JMJD1C: variants seen among roughly 807,000 people sequenced by gnomAD.
The protein encoded by JMJD1C is jumonji domain-containing protein 1C.
In JMJD1C, 31 loss-of-function variants were observed where a neutral mutation model predicts 245.3. The ratio of observed to expected loss-of-function variants is 0.13; its 90% confidence interval spans 0.09 to 0.17. The LOEUF is 0.17. JMJD1C is among the 10% of genes least tolerant of loss of function. The pLI, the probability that JMJD1C is intolerant of heterozygous loss-of-function variation, is 1.00. For missense variants in JMJD1C, 2,691 were observed against 3,000.2 expected (o/e 0.90, Z 2.41); for synonymous variants, 1,057 against 1,017.4 (o/e 1.04, Z -0.74).
chr10:63,203,118 A>T, intron 10 of JMJD1C: 1 of 985,154 alleles, frequency 1.0e-6, no homozygotes, highest in Non-Finnish European at 1.2e-6. Context: ...CAAAGACATT[A>T]AGGCCCAATT....
In JMJD1C at chr10:63,189,464, A is replaced by C; in HGVS notation, c.6292-18T>G. On this transcript the variant is annotated intron_variant, in intron 17 of 25. Coordinates refer to ENST00000399262, the MANE Select transcript of JMJD1C (RefSeq NM_032776.3). ...TTGCTACTCTATTAAGGAAAAAACAAAACAAAAAAAACCTGTTTTTGAGAG... is the reference window on the plus strand; with the variant it reads ...TTGCTACTCTATTAAGGAAAAAACACAACAAAAAAAACCTGTTTTTGAGAG... The C allele has an allele frequency of 6.4e-7, 1 of 1,570,428 alleles. No individual in the cohort carries two copies. Among genetic ancestry groups the C allele is most frequent in the Non-Finnish European group, 8.6e-7 (1 of 1,165,352 alleles).
intron 1 of JMJD1C, among the ~76,000 whole-genome samples, chr10:63,392,875 C>CACAAACAA (rs564338841): frequency 4.6e-5 from 6 of 130,682 alleles, no homozygotes; most frequent in Non-Finnish European, 9.7e-5. Context: ...TAAACACACA[C>CACAAACAA]ACACACACAC....
intron 1 of JMJD1C, among the ~76,000 whole-genome samples, chr10:63,484,484 G>C (rs7915779): frequency 0.42 from 63,855 of 151,692 alleles, 14,163 homozygotes; most frequent in South Asian, 0.53. Context: ...TCCCACTTCA[G>C]AGCAAGCACA....
At chr10:63,293,294 A>G (rs1858998499) in intron 2 of JMJD1C, among the ~76,000 whole-genome samples, 1 of 152,136 alleles carries the variant, frequency 6.6e-6, no homozygotes, top group Non-Finnish European at 1.5e-5. Context: ...CTTGCCAGCA[A>G]ATAAACCAAC....
rs569971746 is a variant in JMJD1C at position 63,455,926 on chromosome 10, A to G, written c.168+9569T>C. On this transcript the variant is annotated intron_variant, in intron 1 of 25. Coordinates refer to ENST00000399262, the MANE Select transcript of JMJD1C (RefSeq NM_032776.3). ...TTATTTTGCTCTTAAGACTGAGAAA[A>G]TCGAGGCAAATTTAATGCAATATTA... is the stretch of plus-strand genomic sequence containing the variant. 2.0e-5 allele frequency among the ~76,000 whole-genome samples: 3 copies of G among 152,256 alleles called. No individual in the cohort carries two copies. In the South Asian group the frequency reaches 6.2e-4, roughly 32 times the overall value.
At chr10:63,440,369 G>GAA (rs1564922436) in intron 1 of JMJD1C, among the ~76,000 whole-genome samples, 1 of 111,862 alleles carries the variant, frequency 8.9e-6, no homozygotes, top group Admixed American at 8.5e-5. Flanking sequence ...TATATATAGA[G>GAA]AGAGAGAGAG....
At chr10:63,395,113 TA>T (rs1053529056) in intron 1 of JMJD1C, among the ~76,000 whole-genome samples, 11 of 152,084 alleles carry the variant, frequency 7.2e-5, no homozygotes, top group African/African-American at 2.4e-4. Flanking sequence ...CAAAAGATAT[TA>T]AAAATCATTA....
intron 1 of JMJD1C, among the ~76,000 whole-genome samples, chr10:63,473,859 A>G (rs887912687): frequency 4.6e-5 from 7 of 151,824 alleles, no homozygotes; most frequent in Non-Finnish European, 4.4e-5. Context: ...CCTGGCCAAC[A>G]TGGTGAAACC....
intron 2 of JMJD1C, among the ~76,000 whole-genome samples, chr10:63,299,836 T>C (rs1859876292): frequency 6.6e-6 from 1 of 152,038 alleles, no homozygotes; most frequent in African/African-American, 2.4e-5. Context: ...AAATCATCTC[T>C]GCAAGAAATA....
intron 2 of JMJD1C, among the ~76,000 whole-genome samples, chr10:63,293,665 T>C (rs1057057074): frequency 1.3e-5 from 2 of 152,196 alleles, no homozygotes; most frequent in Non-Finnish European, 2.9e-5. Flanking sequence ...GGCCCAATTA[T>C]TGATAAATTC....
chr10:63,387,863 C>T (rs941789003), intron 1 of JMJD1C, among the ~76,000 whole-genome samples: 1 of 151,778 alleles, frequency 6.6e-6, no homozygotes, highest in Non-Finnish European at 1.5e-5. Flanking sequence ...TCTTGATCTC[C>T]TGACCTTGTG....
At chr10:63,223,736 AT>A (rs1848910873) in intron 3 of JMJD1C, among the ~76,000 whole-genome samples, 2 of 151,958 alleles carry the variant, frequency 1.3e-5, no homozygotes, top group African/African-American at 4.8e-5. Flanking sequence ...TTTCTTCAAC[AT>A]TTATTTATAA....
chr10:63,402,755 A>G (rs1948944341), intron 1 of JMJD1C, among the ~76,000 whole-genome samples: 1 of 152,164 alleles, frequency 6.6e-6, no homozygotes, highest in Non-Finnish European at 1.5e-5. Flanking sequence ...TAATGGGTAT[A>G]TTTTTAAATC....
chr10:63,360,457 C>T (rs1341872380), intron 2 of JMJD1C, among the ~76,000 whole-genome samples: 1 of 152,188 alleles, frequency 6.6e-6, no homozygotes, highest in Non-Finnish European at 1.5e-5. Context: ...TTTAATCCAA[C>T]CTTGTAAGTC....
chr10:63,353,887 C>A (rs1393820470), intron 2 of JMJD1C, among the ~76,000 whole-genome samples: 1 of 152,030 alleles, frequency 6.6e-6, no homozygotes, highest in Non-Finnish European at 1.5e-5. Flanking sequence ...GGTAGCCAGG[C>A]TGGAGTGCAG....
chr10:63,424,372 T>G (rs1950307144), intron 1 of JMJD1C, among the ~76,000 whole-genome samples: 2 of 152,204 alleles, frequency 1.3e-5, no homozygotes, highest in South Asian at 4.1e-4. Context: ...TGGCCTGTAT[T>G]TTTGAAATGA....
At chr10:63,474,023 A>C (rs1953577807) in intron 1 of JMJD1C, among the ~76,000 whole-genome samples, 1 of 152,088 alleles carries the variant, frequency 6.6e-6, no homozygotes, top group Non-Finnish European at 1.5e-5. Flanking sequence ...AGCCTAGGTG[A>C]CAAGAGTGAA....
At chr10:63,286,548 C>A (rs1489913887) in intron 2 of JMJD1C, among the ~76,000 whole-genome samples, 1 of 152,178 alleles carries the variant, frequency 6.6e-6, no homozygotes, top group East Asian at 1.9e-4. Flanking sequence ...TTCTCAGGAA[C>A]CACAGGACCT....
intron 1 of JMJD1C, among the ~76,000 whole-genome samples, chr10:63,496,760 C>G (rs1954378178): frequency 6.6e-6 from 1 of 152,182 alleles, no homozygotes; most frequent in Admixed American, 6.5e-5. Flanking sequence ...TTTCCCTGCT[C>G]AATTCTTAGG....
Sources: allele counts gnomAD v4.1 joint callset (sites outside exome capture counted in the v4.1 genomes callset), GRCh38; gene constraint gnomAD v4.1.1; transcripts MANE v1.5; gene names NCBI Gene and HGNC (gene_info 2026-07-23, HGNC 2026-07-21).